Variants in CDH4 observed in about 807,000 individuals in gnomAD.
The protein encoded by CDH4 is cadherin-4.
In CDH4, 33 loss-of-function variants were observed where a neutral mutation model predicts 86.0. The observed-to-expected ratio is 0.38, with a 90% CI of 0.29 to 0.51. CDH4 has a LOEUF of 0.51. Ranked by LOEUF, CDH4 falls within the 20% of genes least tolerant of loss-of-function variation. The pLI is 0.86. For synonymous variants in CDH4, 555 were observed against 549.4 expected (o/e 1.01, Z -0.14); for missense variants, 1,114 against 1,307.4 (o/e 0.85, Z 2.28).
chr20:61,735,314 C>T (rs2088248874), intron 2 of CDH4, among the ~76,000 whole-genome samples: 2 of 152,228 alleles, frequency 1.3e-5, no homozygotes, highest in Admixed American at 1.3e-4. Flanking sequence ...TAAATGTCCC[C>T]ATTTTCAGGC....
At chr20:61,746,090 A>G (rs2088411110) in intron 3 of CDH4, among the ~76,000 whole-genome samples, 1 of 152,110 alleles carries the variant, frequency 6.6e-6, no homozygotes, top group Non-Finnish European at 1.5e-5. Context: ...ATGTTAAACC[A>G]GGCAGCAGAG....
chr20:61,813,816 A>G (rs1008941256), intron 4 of CDH4, among the ~76,000 whole-genome samples: 1 of 152,106 alleles, frequency 6.6e-6, no homozygotes, highest in Non-Finnish European at 1.5e-5. Flanking sequence ...TCCTTGGCTC[A>G]CCAGCCCTCT....
intron 3 of CDH4, among the ~76,000 whole-genome samples, chr20:61,767,087 G>A (rs909642760): frequency 3.3e-5 from 5 of 152,224 alleles, no homozygotes; most frequent in African/African-American, 1.2e-4. Flanking sequence ...CTGCCCTGAG[G>A]ACTAAATGAG....
At chr20:61,836,618 C>G (rs113855578) in intron 4 of CDH4, among the ~76,000 whole-genome samples, 2,410 of 152,294 alleles carry the variant, frequency 0.016, 56 homozygotes, top group African/African-American at 0.052. Context: ...GCAAGAAATA[C>G]AAACATCTTC....
chr20:61,557,148 T>C (rs186421204), intron 2 of CDH4, among the ~76,000 whole-genome samples: 1 of 152,298 alleles, frequency 6.6e-6, no homozygotes, highest in East Asian at 1.9e-4. Flanking sequence ...TCGGGATTGA[T>C]GCTGGAGTGG....
At chr20:61,331,312 T>C (rs1212033887) in intron 2 of CDH4, among the ~76,000 whole-genome samples, 1 of 151,946 alleles carries the variant, frequency 6.6e-6, no homozygotes, top group Admixed American at 6.6e-5. Context: ...CCCATGGTGG[T>C]CAGGAGGAGA....
At chr20:61,278,994 A>T (rs1296130479) in intron 2 of CDH4, among the ~76,000 whole-genome samples, 1 of 152,172 alleles carries the variant, frequency 6.6e-6, no homozygotes, top group African/African-American at 2.4e-5. Flanking sequence ...CTGCCAGGGG[A>T]GCTGGGACCA....
At chr20:61,733,801 C>T (rs1600927115) in intron 2 of CDH4, among the ~76,000 whole-genome samples, 1 of 152,258 alleles carries the variant, frequency 6.6e-6, no homozygotes, top group East Asian at 1.9e-4. Flanking sequence ...CTCTCCTCAG[C>T]ACGGTCCCAG....
At chr20:61,358,802 CG>C (rs1001899584) in intron 2 of CDH4, among the ~76,000 whole-genome samples, 16 of 152,124 alleles carry the variant, frequency 1.1e-4, no homozygotes, top group African/African-American at 3.9e-4. Flanking sequence ...CGCTTTAATG[CG>C]GGGGGGAAGG....
intron 2 of CDH4, 76 bp downstream of exon 2, chr20:61,255,013 C>A: frequency 1.2e-6 from 1 of 858,338 alleles, no homozygotes; most frequent in Non-Finnish European, 2.0e-6. Context: ...ATGGGAGAGG[C>A]AAGGCTTGCC....
intron 15 of CDH4, among the ~76,000 whole-genome samples, 191 bp from the exon 16 acceptor site, chr20:61,936,546 T>G (rs2055192899): frequency 6.9e-6 from 1 of 144,312 alleles, no homozygotes; most frequent in South Asian, 2.2e-4. Flanking sequence ...ACTCCCACGC[T>G]CCATCTTCAC....
At chr20:61,263,696 A>T (rs2084140429) in intron 2 of CDH4, among the ~76,000 whole-genome samples, 1 of 152,156 alleles carries the variant, frequency 6.6e-6, no homozygotes, top group South Asian at 2.1e-4. Context: ...AACAACACAA[A>T]GTTATTATCT....
intron 2 of CDH4, among the ~76,000 whole-genome samples, chr20:61,607,419 A>C (rs1467522799): frequency 1.3e-5 from 2 of 152,224 alleles, no homozygotes; most frequent in Non-Finnish European, 2.9e-5. Context: ...TTGATGTCTC[A>C]TACCCATTAT....
chr20:61,595,473 G>A (rs1195187166), intron 2 of CDH4, among the ~76,000 whole-genome samples: 1 of 152,246 alleles, frequency 6.6e-6, no homozygotes, highest in African/African-American at 2.4e-5. Flanking sequence ...GTCCATGGAC[G>A]GAAGGACGGG....
intron 2 of CDH4, among the ~76,000 whole-genome samples, chr20:61,317,605 C>T (rs903943788): frequency 2.0e-5 from 3 of 152,170 alleles, no homozygotes; most frequent in African/African-American, 7.2e-5. Flanking sequence ...GTGGGGCGTC[C>T]TGTGCACTGT....
intron 2 of CDH4, among the ~76,000 whole-genome samples, chr20:61,368,246 C>T (rs1455009189): frequency 6.6e-6 from 1 of 152,216 alleles, no homozygotes; most frequent in Non-Finnish European, 1.5e-5. Flanking sequence ...TACCTCCTTG[C>T]TGTGCTCTGA....
intron 4 of CDH4, among the ~76,000 whole-genome samples, chr20:61,812,039 C>T (rs1301684693): frequency 1.3e-5 from 2 of 152,110 alleles, no homozygotes; most frequent in Admixed American, 6.5e-5. Context: ...CCCATCTGCC[C>T]GCCTTCGTCT....
chr20:61,779,733 G>A (rs536948992), intron 4 of CDH4, among the ~76,000 whole-genome samples: 10 of 152,346 alleles, frequency 6.6e-5, no homozygotes, highest in East Asian at 5.8e-4. Context: ...TGCCCTGCAC[G>A]GGCTCTGGAC....
chr20:61,469,761 TCTA>T (rs1267697645), intron 2 of CDH4, among the ~76,000 whole-genome samples: 3 of 152,178 alleles, frequency 2.0e-5, no homozygotes, highest in African/African-American at 7.2e-5. Context: ...GGGATCTGGT[TCTA>T]TTCTTCTGCA....
Sources: gnomAD v4.1 joint callset for allele counts (sites outside exome capture counted in the v4.1 genomes callset) on GRCh38, gnomAD v4.1.1 for gene constraint, MANE v1.5 for transcripts, NCBI Gene and HGNC (gene_info 2026-07-23, HGNC 2026-07-21) for gene names.